Variants in ATXN1 observed in about 807,000 individuals in gnomAD.
ATXN1 encodes the protein ataxin-1.
ATXN1 carries 8 observed loss-of-function variants against 56.4 expected under a neutral mutation model. The observed-to-expected ratio is 0.14, with a 90% CI of 0.08 to 0.26. The LOEUF is 0.26. Among genes scored for constraint, ATXN1 ranks in the 10% least tolerant of loss-of-function variants. The pLI is 1.00. For synonymous variants in ATXN1, 514 were observed against 494.6 expected (o/e 1.04, Z -0.52); for missense variants, 987 against 1,106.5 (o/e 0.89, Z 1.53).
At position 16,342,880 on chromosome 6, in the gene ATXN1, G is replaced by C. The variant is rs571653397; in HGVS notation, c.-160-14410C>G. On this transcript the variant is annotated intron_variant, in intron 6 of 7. Coordinates refer to ENST00000436367, the MANE Select transcript of ATXN1 (RefSeq NM_001128164.2). ...CAGGAGCTGGGAGGACGGGGCAATGGGAGTTGTTTAACGGTTCCAGAATTT... is the reference window on the plus strand; with the variant it reads ...CAGGAGCTGGGAGGACGGGGCAATGCGAGTTGTTTAACGGTTCCAGAATTT... Among the ~76,000 whole-genome samples the C allele has an allele frequency of 1.4e-4, 22 of 152,316 alleles. No individual in the cohort carries two copies. In the East Asian group the frequency reaches 4.2e-3, roughly 29 times the overall value.
At chr6:16,734,633 G>C (rs1246487930) in intron 2 of ATXN1, among the ~76,000 whole-genome samples, 1 of 152,112 alleles carries the variant, frequency 6.6e-6, no homozygotes, top group African/African-American at 2.4e-5. Flanking sequence ...TCAGCCTCCT[G>C]AGTAGCGGGG....
At chr6:16,399,777 C>A (rs1448628511) in intron 6 of ATXN1, among the ~76,000 whole-genome samples, 1 of 152,122 alleles carries the variant, frequency 6.6e-6, no homozygotes, top group African/African-American at 2.4e-5. Context: ...ACACCTCCAC[C>A]CCCTCCATCT....
intron 3 of ATXN1, 107 bp from the exon 4 acceptor site, chr6:16,586,014 C>T (rs1561767426): frequency 6.6e-6 from 1 of 151,470 alleles, no homozygotes; most frequent in Non-Finnish European, 1.5e-5. Context: ...CATAATCTCT[C>T]ACACACACAT....
chr6:16,359,781 G>A (rs1220438720), intron 6 of ATXN1, among the ~76,000 whole-genome samples: 1 of 152,104 alleles, frequency 6.6e-6, no homozygotes, highest in East Asian at 1.9e-4. Context: ...AAGGCGTTGC[G>A]GCCACAGAAG....
intron 2 of ATXN1, among the ~76,000 whole-genome samples, chr6:16,661,481 TA>T (rs1486192987): frequency 6.6e-6 from 1 of 152,132 alleles, no homozygotes; most frequent in African/African-American, 2.4e-5. Context: ...GAATAGACCA[TA>T]AGGGGATATA....
chr6:16,390,992 C>A (rs9477124), intron 6 of ATXN1, among the ~76,000 whole-genome samples: 17,416 of 151,828 alleles, frequency 0.11, 1,034 homozygotes, highest in African/African-American at 0.13. Flanking sequence ...TAAACCCCAT[C>A]TCTACTAAAA....
At chr6:16,432,591 G>C (rs1759308010) in intron 6 of ATXN1, 1 of 152,174 alleles carries the variant, frequency 6.6e-6, no homozygotes, top group Non-Finnish European at 1.5e-5. Context: ...TATTTGTGCT[G>C]TTAAAATATG....
At chr6:16,729,157 A>G (rs1759912712) in intron 2 of ATXN1, among the ~76,000 whole-genome samples, 1 of 152,196 alleles carries the variant, frequency 6.6e-6, no homozygotes, top group Non-Finnish European at 1.5e-5. Context: ...ATCTGGTCAC[A>G]AAGTTTGTTA....
chr6:16,716,127 C>G (rs552201529), intron 2 of ATXN1, among the ~76,000 whole-genome samples: 2 of 152,324 alleles, frequency 1.3e-5, no homozygotes, highest in South Asian at 4.1e-4. Flanking sequence ...TAACACACTA[C>G]AGATAAAATG....
At chr6:16,330,644 C>T (rs1466103386) in intron 6 of ATXN1, among the ~76,000 whole-genome samples, 1 of 151,912 alleles carries the variant, frequency 6.6e-6, no homozygotes, top group African/African-American at 2.4e-5. Context: ...CTTGGCCTCC[C>T]GGTGCTGGGA....
chr6:16,468,480 T>C (rs774847253), intron 6 of ATXN1, among the ~76,000 whole-genome samples: 2 of 152,140 alleles, frequency 1.3e-5, no homozygotes, highest in Admixed American at 6.5e-5. Context: ...TGAGCCACCA[T>C]GCCTGGCCCG....
intron 2 of ATXN1, among the ~76,000 whole-genome samples, chr6:16,700,887 T>A (rs1759269040): frequency 6.6e-6 from 1 of 151,688 alleles, no homozygotes; most frequent in Non-Finnish European, 1.5e-5. Flanking sequence ...AGAAACCAGC[T>A]AAAAACCCAA....
intron 6 of ATXN1, among the ~76,000 whole-genome samples, chr6:16,341,390 G>A (rs1761245046): frequency 6.6e-6 from 1 of 151,642 alleles, no homozygotes; most frequent in Non-Finnish European, 1.5e-5. Flanking sequence ...AAAACATAAT[G>A]TCCAGATCTA....
intron 6 of ATXN1, among the ~76,000 whole-genome samples, chr6:16,402,168 G>A (rs1758587341): frequency 6.7e-6 from 1 of 149,234 alleles, no homozygotes; most frequent in East Asian, 2.0e-4. Context: ...AATCTGGGCA[G>A]GGACACAGCC....
At chr6:16,660,276 C>A (rs1448342024) in intron 2 of ATXN1, among the ~76,000 whole-genome samples, 1 of 152,136 alleles carries the variant, frequency 6.6e-6, no homozygotes, top group Non-Finnish European at 1.5e-5. Context: ...AAAGATAAGG[C>A]CAAAAGCCCA....
chr6:16,665,311 G>C (rs761709909), intron 2 of ATXN1, among the ~76,000 whole-genome samples: 1 of 152,182 alleles, frequency 6.6e-6, no homozygotes, highest in African/African-American at 2.4e-5. Context: ...AGCTATGCAT[G>C]ATTTTGTAAC....
intron 4 of ATXN1, among the ~76,000 whole-genome samples, chr6:16,575,037 G>A (rs1762398277): frequency 6.6e-6 from 1 of 151,894 alleles, no homozygotes; most frequent in Non-Finnish European, 1.5e-5. Flanking sequence ...TTTTCAGGGA[G>A]GATATCAGAG....
chr6:16,300,844 TAAG>T lies in ATXN1; in HGVS notation c.*5482_*5484del, dbSNP rs913497333. On this transcript the variant is annotated 3_prime_UTR_variant, in exon 8 of 8. Coordinates refer to ENST00000436367, the MANE Select transcript of ATXN1 (RefSeq NM_001128164.2). ...GTTGCAATGGCTTAAGAGTTTAGAC[TAAG>T]AAGGGAGCTCAGAGAAGTACTTTCA... The T allele has an allele frequency of 2.6e-5, 4 of 152,600 alleles. No homozygotes were observed. The highest frequency in any genetic ancestry group is 2.6e-4 in the Admixed American group (4 of 15,270). 9.5% of individuals were successfully genotyped at this position (152,600 alleles called of 1,614,324 possible). A position where few individuals can be genotyped will look rare whatever the true frequency, so the allele number is the denominator to read the frequency against.
At chr6:16,347,488 T>A (rs1252162133) in intron 6 of ATXN1, among the ~76,000 whole-genome samples, 1 of 152,010 alleles carries the variant, frequency 6.6e-6, no homozygotes, top group Admixed American at 6.6e-5. Context: ...AGAACCTTTA[T>A]GTCTAGCTAA....
Sources: allele counts gnomAD v4.1 joint callset (sites outside exome capture counted in the v4.1 genomes callset), GRCh38; gene constraint gnomAD v4.1.1; transcripts MANE v1.5; gene names NCBI Gene and HGNC (gene_info 2026-07-23, HGNC 2026-07-21).